Variants in STK39 observed in about 807,000 individuals in gnomAD.
The protein encoded by STK39 is serine/threonine kinase 39, also known as STE20/SPS1-related proline-alanine-rich protein kinase.
In STK39, 20 loss-of-function variants were observed where a neutral mutation model predicts 77.8. That is an observed-to-expected ratio of 0.26 (90% CI 0.18 to 0.37). The LOEUF (loss-of-function observed/expected upper bound fraction) is 0.37, where lower values mean the gene tolerates loss of function less well. STK39 is among the 10% of genes least tolerant of loss of function. STK39 has a pLI of 1.00. For synonymous variants in STK39, 246 were observed against 234.1 expected (o/e 1.05, Z -0.47); for missense variants, 479 against 656.5 (o/e 0.73, Z 2.95).
intron 1 of STK39, among the ~76,000 whole-genome samples, chr2:168,227,247 C>T (rs1690331699): frequency 6.6e-6 from 1 of 152,158 alleles, no homozygotes; most frequent in Non-Finnish European, 1.5e-5. Flanking sequence ...GCCATACAGG[C>T]CATCTCTGGG....
In STK39 at chr2:168,166,306, G is replaced by A. The variant is rs1387452399; in HGVS notation, c.430+993C>T. On this transcript the variant is annotated intron_variant, in intron 3 of 17. Coordinates refer to ENST00000355999, the MANE Select transcript of STK39 (RefSeq NM_013233.3). Reference sequence around the variant, plus strand: ...AGAGTAAGTGTTCAAAAAAGGCAACGGTTATCATTATCATTCCCTCTCTGA... The same window carrying A: ...AGAGTAAGTGTTCAAAAAAGGCAACAGTTATCATTATCATTCCCTCTCTGA... Among the ~76,000 whole-genome samples, 5 of 152,238 alleles carry A rather than the reference G, an allele frequency of 3.3e-5. 1 individual carries two copies. In the South Asian group the frequency reaches 6.2e-4, roughly 19 times the overall value.
chr2:167,993,045 T>C (rs1261230573), intron 16 of STK39, among the ~76,000 whole-genome samples: 1 of 152,210 alleles, frequency 6.6e-6, no homozygotes, highest in Non-Finnish European at 1.5e-5. Flanking sequence ...CACATCTCAA[T>C]AGTACATTTG....
chr2:168,050,790 T>G (rs1267945974), intron 14 of STK39, among the ~76,000 whole-genome samples: 1 of 152,186 alleles, frequency 6.6e-6, no homozygotes, highest in African/African-American at 2.4e-5. Flanking sequence ...AGCCACTAAG[T>G]AAATGGTAAT....
At chr2:168,242,383 G>A (rs1300607943) in intron 1 of STK39, among the ~76,000 whole-genome samples, 1 of 150,886 alleles carries the variant, frequency 6.6e-6, no homozygotes, top group Non-Finnish European at 1.5e-5. Flanking sequence ...CCAACATGGT[G>A]AAACCCTGTT....
chr2:168,103,764 A>G (rs1272315248), intron 10 of STK39, among the ~76,000 whole-genome samples: 2 of 152,222 alleles, frequency 1.3e-5, no homozygotes, highest in African/African-American at 4.8e-5. Flanking sequence ...GCTTCCTAAG[A>G]AAAAGGCTCA....
intron 2 of STK39, among the ~76,000 whole-genome samples, chr2:168,179,676 C>T (rs1435144212): frequency 6.6e-6 from 1 of 152,114 alleles, no homozygotes; most frequent in East Asian, 1.9e-4. Flanking sequence ...GAGCAAAGCA[C>T]AAAGCCACAA....
chr2:168,078,892 A>G (rs1279605395), intron 10 of STK39, among the ~76,000 whole-genome samples: 2 of 152,160 alleles, frequency 1.3e-5, no homozygotes, highest in Non-Finnish European at 2.9e-5. Context: ...CCTGCTGAAC[A>G]TATGGCATGC....
chr2:168,101,020 T>C (rs1401320747), intron 10 of STK39, among the ~76,000 whole-genome samples: 1 of 152,160 alleles, frequency 6.6e-6, no homozygotes. Context: ...TGGAATACTA[T>C]GCAGCCATAA....
chr2:168,194,000 G>A (rs761130787), intron 1 of STK39, among the ~76,000 whole-genome samples: 6 of 152,194 alleles, frequency 3.9e-5, no homozygotes, highest in East Asian at 1.9e-4. Flanking sequence ...CAGATGCCTC[G>A]GCGTCAGGGA....
At chr2:168,193,756 G>A (rs1204289705) in intron 1 of STK39, among the ~76,000 whole-genome samples, 1 of 152,238 alleles carries the variant, frequency 6.6e-6, no homozygotes, top group African/African-American at 2.4e-5. Context: ...GGTGTGCTGT[G>A]AAAACGTTGC....
intron 17 of STK39, among the ~76,000 whole-genome samples, chr2:167,960,110 C>G (rs1297415401): frequency 1.3e-5 from 2 of 152,200 alleles, no homozygotes; most frequent in African/African-American, 4.8e-5. Flanking sequence ...GGCCCTCTGA[C>G]TTTCCTAAAA....
Position 167,954,142 on chromosome 2 carries a change from C to T in STK39, c.*1354G>A, listed in dbSNP as rs1691706870. ...TTGTATGCAAATGGCTCTAGAACACCTTAACAATTATGACAAGGCAATTAT... is the reference window on the plus strand; with the variant it reads ...TTGTATGCAAATGGCTCTAGAACACTTTAACAATTATGACAAGGCAATTAT... On this transcript the variant is annotated 3_prime_UTR_variant, in exon 18 of 18. Coordinates refer to ENST00000355999, the MANE Select transcript of STK39 (RefSeq NM_013233.3). The T allele has an allele frequency of 6.6e-6, 1 of 152,530 alleles. No homozygotes were observed. Among genetic ancestry groups the T allele is most frequent in the Admixed American group, 6.5e-5 (1 of 15,286 alleles). 9.4% of individuals were successfully genotyped at this position (152,530 alleles called of 1,614,324 possible).
intron 8 of STK39, among the ~76,000 whole-genome samples, chr2:168,131,544 G>A (rs1687697635): frequency 6.6e-6 from 1 of 152,178 alleles, no homozygotes; most frequent in East Asian, 1.9e-4. Flanking sequence ...CACAAACTGT[G>A]TAAGTCTACA....
Position 168,247,309 on chromosome 2 carries a change from G to GGGCCGA in STK39, c.126_127insTCGGCC (p.Ala42_Pro43insSerAla). The GGGCCGA allele has an allele frequency of 2.9e-6, 3 of 1,038,406 alleles. No individual in the cohort carries two copies. The highest frequency in any genetic ancestry group is 3.5e-6 in the Non-Finnish European group (3 of 862,588). The allele number at this position is 1,038,406 out of a possible 1,614,324, so 64.3% of individuals were successfully genotyped here. ...GCCGCCGGGGCCGGGGCCGGGGCCG[G>GGGCCGA]GGCCGCGGGAGCTGCCGGGGCCGGC... On this transcript the variant is annotated inframe_insertion, in exon 1 of 18. Coordinates refer to ENST00000355999, the MANE Select transcript of STK39 (RefSeq NM_013233.3).
chr2:168,153,845 T>C (rs1025123790), intron 5 of STK39, among the ~76,000 whole-genome samples: 2 of 152,114 alleles, frequency 1.3e-5, no homozygotes, highest in Non-Finnish European at 2.9e-5. Context: ...AGGGGCCAGA[T>C]CTTGTAAGGC....
chr2:168,098,478 G>C (rs762826206), intron 10 of STK39, among the ~76,000 whole-genome samples: 4 of 152,118 alleles, frequency 2.6e-5, no homozygotes, highest in Admixed American at 2.6e-4. Context: ...ATTGCACCAC[G>C]TATGCCTGAC....
chr2:168,129,385 C>T (rs958181148), intron 10 of STK39, among the ~76,000 whole-genome samples, 156 bp downstream of exon 10: 2 of 152,110 alleles, frequency 1.3e-5, no homozygotes, highest in South Asian at 2.1e-4. Context: ...GCTGAGATAA[C>T]GAAAAGGCAA....
Position 167,983,375 on chromosome 2 carries a change from A to G in STK39, c.1499-18649T>C, listed in dbSNP as rs1410123651. Among the ~76,000 whole-genome samples, 3 of 145,992 alleles carry G rather than the reference A, an allele frequency of 2.1e-5. No homozygotes were observed. The Admixed American group carries it at 2.1e-4, about 10-fold the overall frequency. On this transcript the variant is annotated intron_variant, in intron 16 of 17. Transcript: ENST00000355999. ...ATGCCTGTAATGCCAGCTACTTGGG[A>G]GGCTGAGGCAGGAGAATCGCTTGAA... is the stretch of plus-strand genomic sequence containing the variant.
At chr2:167,972,944 G>A (rs926680034) in intron 16 of STK39, among the ~76,000 whole-genome samples, 3 of 152,050 alleles carry the variant, frequency 2.0e-5, no homozygotes, top group African/African-American at 7.3e-5. Context: ...TTCCAGCTGT[G>A]CCTGCTTATT....
Sources: gnomAD v4.1 joint callset for allele counts (sites outside exome capture counted in the v4.1 genomes callset) on GRCh38, gnomAD v4.1.1 for gene constraint, MANE v1.5 for transcripts, NCBI Gene and HGNC (gene_info 2026-07-23, HGNC 2026-07-21) for gene names.